ERBB4: variants seen among roughly 807,000 people sequenced by gnomAD.
ERBB4 encodes receptor tyrosine-protein kinase erbB-4.
ERBB4 carries 42 observed loss-of-function variants against 158.0 expected under a neutral mutation model. That is an observed-to-expected ratio of 0.27 (90% CI 0.21 to 0.34). ERBB4 has a LOEUF of 0.34. Among genes scored for constraint, ERBB4 ranks in the 10% least tolerant of loss-of-function variants. The probability of loss-of-function intolerance (pLI) is 1.00; values close to 1 mark genes in which losing one functional copy is unlikely to be tolerated. For missense variants in ERBB4, 1,333 were observed against 1,624.1 expected (o/e 0.82, Z 3.08); for synonymous variants, 583 against 558.7 (o/e 1.04, Z -0.61).
intron 2 of ERBB4, among the ~76,000 whole-genome samples, chr2:212,008,023 G>A (rs961962299): frequency 1.3e-5 from 2 of 151,906 alleles, no homozygotes; most frequent in African/African-American, 4.8e-5. Context: ...ATGAATAAGT[G>A]GATAACAAAC....
At chr2:211,968,494 C>T (rs374345220) in intron 2 of ERBB4, among the ~76,000 whole-genome samples, 1 of 151,994 alleles carries the variant, frequency 6.6e-6, no homozygotes, top group Admixed American at 6.6e-5. Context: ...ATACATAAAA[C>T]AGAGATTGTC....
intron 3 of ERBB4, among the ~76,000 whole-genome samples, chr2:211,917,749 G>A (rs772585605): frequency 6.6e-6 from 1 of 152,176 alleles, no homozygotes; most frequent in Non-Finnish European, 1.5e-5. Context: ...AGGAATCAAA[G>A]CTACTTGAGT....
At chr2:211,809,592 T>C (rs1456013167) in intron 3 of ERBB4, among the ~76,000 whole-genome samples, 2 of 152,200 alleles carry the variant, frequency 1.3e-5, no homozygotes, top group Non-Finnish European at 2.9e-5. Flanking sequence ...TCTTCTTTAT[T>C]AGTCTTGCTA....
intron 19 of ERBB4, among the ~76,000 whole-genome samples, chr2:211,607,166 C>A (rs902207699): frequency 7.2e-5 from 11 of 152,086 alleles, no homozygotes; most frequent in African/African-American, 2.7e-4. Context: ...GAAAAAATAA[C>A]TGGCTCCCTT....
intron 1 of ERBB4, among the ~76,000 whole-genome samples, chr2:212,146,119 T>C (rs2080663885): frequency 6.6e-6 from 1 of 152,334 alleles, no homozygotes; most frequent in African/African-American, 2.4e-5. Context: ...CTTGACATTA[T>C]TGTTTGACTT....
intron 3 of ERBB4, among the ~76,000 whole-genome samples, chr2:211,842,403 C>T (rs1189140988): frequency 7.0e-6 from 1 of 142,318 alleles, no homozygotes; most frequent in African/African-American, 2.6e-5. Flanking sequence ...GGTAACAATT[C>T]ATTCAAACTT....
At chr2:211,794,421 T>G (rs748824707) in intron 3 of ERBB4, among the ~76,000 whole-genome samples, 15 of 151,914 alleles carry the variant, frequency 9.9e-5, no homozygotes, top group Non-Finnish European at 2.1e-4. Flanking sequence ...TGGAGGTCCC[T>G]CAAGGATTAG....
intron 1 of ERBB4, among the ~76,000 whole-genome samples, chr2:212,142,703 G>A (rs2080525185): frequency 6.6e-6 from 1 of 150,936 alleles, no homozygotes; most frequent in African/African-American, 2.4e-5. Context: ...TCAAACGTTA[G>A]AGACAGAAAT....
chr2:211,983,477 C>T (rs2081858772), intron 2 of ERBB4, among the ~76,000 whole-genome samples: 1 of 152,100 alleles, frequency 6.6e-6, no homozygotes, highest in Admixed American at 6.5e-5. Flanking sequence ...ATCAGTATCC[C>T]AGTGACATTT....
intron 4 of ERBB4, among the ~76,000 whole-genome samples, chr2:211,785,093 CTTTT>C (rs1553633108): frequency 2.3e-5 from 3 of 132,808 alleles, no homozygotes; most frequent in Admixed American, 7.4e-5. Flanking sequence ...GATGCACAGC[CTTTT>C]TTTTTTTTTT....
intron 1 of ERBB4, among the ~76,000 whole-genome samples, chr2:212,253,452 G>C (rs532488008): frequency 6.6e-6 from 1 of 151,788 alleles, no homozygotes; most frequent in Admixed American, 6.6e-5. Flanking sequence ...CCTATAATAA[G>C]TAAATTTGCT....
intron 4 of ERBB4, among the ~76,000 whole-genome samples, chr2:211,755,512 T>C (rs920972904): frequency 1.3e-5 from 2 of 151,906 alleles, no homozygotes; most frequent in Non-Finnish European, 2.9e-5. Context: ...AAAAATAAAA[T>C]AAAATAAATG....
At chr2:211,935,679 T>A (rs1251545691) in intron 3 of ERBB4, among the ~76,000 whole-genome samples, 2 of 152,136 alleles carry the variant, frequency 1.3e-5, no homozygotes, top group Non-Finnish European at 2.9e-5. Flanking sequence ...ATAGGCAGCC[T>A]GTTGTGGAAC....
intron 1 of ERBB4, among the ~76,000 whole-genome samples, chr2:212,488,669 A>G (rs765030118): frequency 2.0e-5 from 3 of 151,876 alleles, no homozygotes; most frequent in Non-Finnish European, 4.4e-5. Context: ...GTAAGTTTGG[A>G]CAACCAAGCT....
chr2:211,564,689 T>TGAA (rs2067497923), intron 19 of ERBB4, among the ~76,000 whole-genome samples: 3 of 151,802 alleles, frequency 2.0e-5, no homozygotes, highest in Admixed American at 2.0e-4. Context: ...AGGGAGGGGG[T>TGAA]GTTAGAAGAG....
intron 4 of ERBB4, among the ~76,000 whole-genome samples, chr2:211,775,443 C>T (rs2075849097): frequency 6.6e-6 from 1 of 152,122 alleles, no homozygotes; most frequent in Admixed American, 6.5e-5. Context: ...TTTCTATTGC[C>T]TACACTTTTG....
intron 1 of ERBB4, among the ~76,000 whole-genome samples, chr2:212,132,527 G>A (rs2080137008): frequency 6.6e-6 from 1 of 152,064 alleles, no homozygotes; most frequent in South Asian, 2.1e-4. Context: ...AAAAGGCAGA[G>A]GAAAATGGAA....
chr2:211,887,991 T>C (rs1228977583), intron 3 of ERBB4, among the ~76,000 whole-genome samples: 1 of 152,216 alleles, frequency 6.6e-6, no homozygotes, highest in Non-Finnish European at 1.5e-5. Flanking sequence ...AACATTTTCA[T>C]AGACCATTAT....
chr2:211,566,041 A>G (rs1478831486), intron 19 of ERBB4, among the ~76,000 whole-genome samples: 2 of 152,210 alleles, frequency 1.3e-5, no homozygotes, highest in African/African-American at 4.8e-5. Context: ...CTGCAACAAG[A>G]TGATGACTGG....
Sources: gnomAD v4.1 joint callset for allele counts (sites outside exome capture counted in the v4.1 genomes callset) on GRCh38, gnomAD v4.1.1 for gene constraint, MANE v1.5 for transcripts, NCBI Gene and HGNC (gene_info 2026-07-23, HGNC 2026-07-21) for gene names.